The following SDK1 variants were observed in gnomAD, a reference collection of about 807,000 sequenced individuals.
SDK1 encodes the protein sidekick cell adhesion molecule 1.
Under a neutral mutation model 245.5 loss-of-function variants are expected in SDK1, and 157 were observed. The ratio of observed to expected loss-of-function variants is 0.64; its 90% CI spans 0.56 to 0.73. The LOEUF (loss-of-function observed/expected upper bound fraction) is 0.73, where lower values mean the gene tolerates loss of function less well. SDK1 is among the 30% of genes least tolerant of loss of function. The pLI is 0.00. For missense variants in SDK1, 3,583 were observed against 3,002.3 expected (o/e 1.19, Z -4.52); for synonymous variants, 1,647 against 1,278.5 (o/e 1.29, Z -6.15).
intron 4 of SDK1, among the ~76,000 whole-genome samples, chr7:3,791,936 C>T (rs1781104779): frequency 6.6e-6 from 1 of 151,654 alleles, no homozygotes; most frequent in South Asian, 2.1e-4. Context: ...CCAGCCTGGG[C>T]AACACAGGGA....
intron 33 of SDK1, 36 bp from the exon 34 acceptor site, chr7:4,175,739 G>C (rs373168432): frequency 3.1e-6 from 5 of 1,588,702 alleles, no homozygotes; most frequent in East Asian, 2.2e-5. Flanking sequence ...GTGTCCCTGC[G>C]TGCTAACCAC....
chr7:3,317,490 T>G (rs1022228857), intron 1 of SDK1, among the ~76,000 whole-genome samples: 14 of 152,184 alleles, frequency 9.2e-5, no homozygotes, highest in African/African-American at 3.4e-4. Context: ...TCGCTCCTCA[T>G]TTCTGTAGCT....
rs145808805 is a variant in SDK1, at chr7:4,178,576, C to T, written c.5088C>T (p.Val1696=). 122 of 1,610,684 alleles carry T rather than the reference C, an allele frequency of 7.6e-5. No homozygotes were observed. The highest frequency in any genetic ancestry group is 8.9e-5 in the Non-Finnish European group (105 of 1,179,304). Residue 1696 remains valine (V), a synonymous_variant, in exon 35 of 45, where the codon GTC becomes GTT. Transcript: ENST00000404826. ...SPASAPVEVF[V]GEAAPAMAPQ... ...CCAGCGCGCCCGTGGAGGTCTTTGT[C>T]GGCGAGGCTGGTAAGCTCCGTGCAC...
intron 4 of SDK1, among the ~76,000 whole-genome samples, chr7:3,783,759 T>G (rs1780820408): frequency 6.6e-6 from 1 of 152,218 alleles, no homozygotes; most frequent in African/African-American, 2.4e-5. Flanking sequence ...AGAATTAATA[T>G]TGTTAAATGG....
At position 3,455,287 on chromosome 7, in the gene SDK1, TGATA is replaced by T. The variant is rs144302480; in HGVS notation, c.298+153407_298+153410del. Among the ~76,000 whole-genome samples the T allele has an allele frequency of 3.9e-3, 595 of 152,198 alleles. 4 individuals carry two copies. Among genetic ancestry groups the T allele is most frequent in the African/African-American group, 0.013 (560 of 41,554 alleles). On this transcript the variant is annotated intron_variant, in intron 1 of 44. Transcript: ENST00000404826. ...TTTCACAAAGCAAAATTTTAAATTT[TGATA>T]GATCTAATCAATTTTTTCTATATGG... is the stretch of plus-strand genomic sequence containing the variant.
intron 1 of SDK1, among the ~76,000 whole-genome samples, chr7:3,488,704 G>A (rs1055841704): frequency 2.6e-5 from 4 of 152,114 alleles, no homozygotes; most frequent in Admixed American, 1.3e-4. Flanking sequence ...AAGAAGTCCT[G>A]GAGTAGGGTA....
intron 1 of SDK1, among the ~76,000 whole-genome samples, chr7:3,449,251 A>G (rs1424733380): frequency 6.6e-6 from 1 of 152,062 alleles, no homozygotes. Context: ...TGCCGATTTC[A>G]CACTTTTATT....
chr7:4,215,203 C>T lies in SDK1; in HGVS notation c.5540-4906C>T, dbSNP rs76853931. On this transcript the variant is annotated intron_variant, in intron 38 of 44. Transcript: ENST00000404826. ...CGTGGACCAAGAGAGGATGGCAGAT[C>T]AGACTCACTGAGTCAGCTTATATCT... 8.1e-3 allele frequency among the ~76,000 whole-genome samples: 1,236 copies of T among 152,354 alleles called. 13 individuals carry two copies. Among genetic ancestry groups the T allele is most frequent in the African/African-American group, 0.029 (1,187 of 41,582 alleles).
At chr7:4,073,246 A>G (rs1383301717) in intron 20 of SDK1, among the ~76,000 whole-genome samples, 3 of 152,052 alleles carry the variant, frequency 2.0e-5, no homozygotes, top group Non-Finnish European at 4.4e-5. Flanking sequence ...CACCTCCCCC[A>G]AAAGCTGTTG....
intron 1 of SDK1, among the ~76,000 whole-genome samples, chr7:3,396,103 T>C (rs925668958): frequency 4.0e-5 from 6 of 151,850 alleles, no homozygotes; most frequent in African/African-American, 1.4e-4. Flanking sequence ...ATACGTTTTT[T>C]TCTAAGTCTT....
At chr7:3,874,236 A>C (rs1256461284) in intron 5 of SDK1, among the ~76,000 whole-genome samples, 1 of 152,202 alleles carries the variant, frequency 6.6e-6, no homozygotes, top group Non-Finnish European at 1.5e-5. Flanking sequence ...TCATGTGTTC[A>C]TAGCATGGGA....
intron 1 of SDK1, among the ~76,000 whole-genome samples, chr7:3,503,413 C>T (rs967102574): frequency 6.6e-6 from 1 of 152,140 alleles, no homozygotes; most frequent in Non-Finnish European, 1.5e-5. Context: ...GGTGTGGTGG[C>T]TCATGCCCAT....
rs869198902 is a variant in SDK1 at position 3,779,451 on chromosome 7, A to AT, written c.714-41991dup. Among the ~76,000 whole-genome samples, 46 of 150,074 alleles carry AT rather than the reference A, an allele frequency of 3.1e-4. 2 individuals carry two copies. The highest frequency in any genetic ancestry group is 7.2e-4 in the African/African-American group (29 of 40,378). On this transcript the variant is annotated intron_variant, in intron 4 of 44. Transcript: ENST00000404826. ...AGTGGTGTGGCAAAGCCAGTAACCTATTTTTTTTAAAAAAAAAAAACAAGG... is the reference window on the plus strand; with the variant it reads ...AGTGGTGTGGCAAAGCCAGTAACCTATTTTTTTTTAAAAAAAAAAAACAAGG...
chr7:4,125,151 TATGGATGGATGGATGGGTGG>T (rs1185791433), intron 25 of SDK1, among the ~76,000 whole-genome samples: 38 of 109,770 alleles, frequency 3.5e-4, no homozygotes, highest in East Asian at 3.1e-3. Flanking sequence ...ATGATCGATT[TATGGATGGATGGATGGGTGG>T]ATGGATGGAT....
At chr7:3,556,454 A>G (rs1271305580) in intron 1 of SDK1, among the ~76,000 whole-genome samples, 1 of 152,164 alleles carries the variant, frequency 6.6e-6, no homozygotes, top group East Asian at 1.9e-4. Context: ...GTACAAAAAT[A>G]TAGTTAGAAT....
chr7:3,349,025 T>A (rs990815292), intron 1 of SDK1, among the ~76,000 whole-genome samples: 1 of 151,976 alleles, frequency 6.6e-6, no homozygotes, highest in Admixed American at 6.5e-5. Flanking sequence ...TTTATGTGAC[T>A]GGTCTGCGCT....
chr7:3,809,237 A>C (rs1428706421), intron 4 of SDK1, among the ~76,000 whole-genome samples: 1 of 152,086 alleles, frequency 6.6e-6, no homozygotes, highest in African/African-American at 2.4e-5. Flanking sequence ...ACACACTTTT[A>C]AACAGCCAGA....
intron 1 of SDK1, among the ~76,000 whole-genome samples, chr7:3,506,286 C>T (rs1782390346): frequency 6.6e-6 from 1 of 151,976 alleles, no homozygotes; most frequent in Non-Finnish European, 1.5e-5. Context: ...TTTTCCTGAA[C>T]TTTGAAGATG....
At chr7:3,331,520 A>G (rs1037417683) in intron 1 of SDK1, among the ~76,000 whole-genome samples, 6 of 152,138 alleles carry the variant, frequency 3.9e-5, no homozygotes, top group South Asian at 2.1e-4. Flanking sequence ...AATTCTTTTT[A>G]TATTAGATAT....
Sources: gnomAD v4.1 joint callset for allele counts (sites outside exome capture counted in the v4.1 genomes callset) on GRCh38, gnomAD v4.1.1 for gene constraint, MANE v1.5 for transcripts, NCBI Gene and HGNC (gene_info 2026-07-23, HGNC 2026-07-21) for gene names.